CALN1: variants seen among roughly 807,000 people sequenced by gnomAD.
CALN1 encodes calneuron 1, also known as calcium-binding protein 8.
A neutral mutation model predicts 30.6 loss-of-function variants in CALN1; 17 were observed. That is an observed-to-expected ratio of 0.56 (90% CI 0.38 to 0.83). The LOEUF (loss-of-function observed/expected upper bound fraction) is 0.83. CALN1 is among the 40% of genes least tolerant of loss of function. The pLI is 0.00. For synonymous variants in CALN1, 156 were observed against 131.4 expected (o/e 1.19, Z -1.28); for missense variants, 291 against 354.9 (o/e 0.82, Z 1.45).
At chr7:72,152,741 C>T (rs79550568) in intron 3 of CALN1, among the ~76,000 whole-genome samples, 1,960 of 152,156 alleles carry the variant, frequency 0.013, 44 homozygotes, top group African/African-American at 0.044. Context: ...AGAGTTTTTC[C>T]TAGTTTTTCT....
intron 5 of CALN1, among the ~76,000 whole-genome samples, chr7:71,896,501 C>G (rs571575431): frequency 6.6e-6 from 1 of 152,034 alleles, no homozygotes; most frequent in African/African-American, 2.4e-5. Flanking sequence ...AAAATACTTG[C>G]GAAAGAACAA....
At chr7:71,887,980 G>A (rs1793013790) in intron 5 of CALN1, among the ~76,000 whole-genome samples, 1 of 152,082 alleles carries the variant, frequency 6.6e-6, no homozygotes, top group African/African-American at 2.4e-5. Flanking sequence ...ATGTCTGTAG[G>A]GCAACTGGTG....
At chr7:72,178,223 T>G (rs1562694579) in intron 3 of CALN1, among the ~76,000 whole-genome samples, 1 of 152,196 alleles carries the variant, frequency 6.6e-6, no homozygotes, top group Non-Finnish European at 1.5e-5. Context: ...AAGACCTCTT[T>G]CCACAAATCC....
In CALN1 at chr7:72,046,503, G is replaced by A. The variant is rs1802478602; in HGVS notation, c.389-22734C>T. ...GAGGCAGGTGGATCACCTGAGGTCA[G>A]GAGTTTGAGACCAGCATGGCCAACA... On this transcript the variant is annotated intron_variant, in intron 4 of 6. Transcript: ENST00000395275. Among the ~76,000 whole-genome samples, 3 of 151,990 alleles carry A rather than the reference G, an allele frequency of 2.0e-5. No individual in the cohort carries two copies. In the South Asian group the frequency reaches 6.2e-4, roughly 32 times the overall value.
intron 3 of CALN1, among the ~76,000 whole-genome samples, chr7:72,255,653 T>G (rs528012157): frequency 6.6e-6 from 1 of 151,326 alleles, no homozygotes; most frequent in African/African-American, 2.4e-5. Flanking sequence ...TGACCTCAAG[T>G]GACCCACTGG....
At chr7:72,264,875 C>CA (rs1796508242) in intron 3 of CALN1, among the ~76,000 whole-genome samples, 1 of 152,122 alleles carries the variant, frequency 6.6e-6, no homozygotes, top group Non-Finnish European at 1.5e-5. Context: ...GTGTATTGTT[C>CA]CCCTCTATGT....
chr7:71,972,223 G>C (rs1165486272), intron 5 of CALN1, among the ~76,000 whole-genome samples: 2 of 152,122 alleles, frequency 1.3e-5, no homozygotes, highest in Non-Finnish European at 2.9e-5. Flanking sequence ...CAGGCCCAAA[G>C]CTTAATGATG....
intron 4 of CALN1, chr7:72,103,073 A>C (rs1806802921): frequency 2.9e-5 from 1 of 34,838 alleles, no homozygotes; most frequent in African/African-American, 1.2e-4. Flanking sequence ...CTCCGTCAAA[A>C]AAAAAAAAAA....
chr7:72,106,620 AAGAG>A, intron 3 of CALN1, among the ~76,000 whole-genome samples: 1 of 145,990 alleles, frequency 6.8e-6, no homozygotes, highest in Non-Finnish European at 1.5e-5. Flanking sequence ...GGGAGGAAAA[AAGAG>A]AAAGAAGAAA....
chr7:72,228,727 T>C (rs1431833385), intron 3 of CALN1, among the ~76,000 whole-genome samples: 7 of 147,442 alleles, frequency 4.7e-5, no homozygotes, highest in African/African-American at 1.8e-4. Context: ...AAGTGTTGGC[T>C]ACCTTATTTA....
At chr7:72,168,233 C>CAA (rs61366296) in intron 3 of CALN1, among the ~76,000 whole-genome samples, 3 of 140,702 alleles carry the variant, frequency 2.1e-5, no homozygotes, top group Non-Finnish European at 4.7e-5. Flanking sequence ...TGCAAACAAG[C>CAA]AAAAAAAAAA....
chr7:72,147,197 G>T (rs1385551306), intron 3 of CALN1, among the ~76,000 whole-genome samples: 1 of 152,138 alleles, frequency 6.6e-6, no homozygotes, highest in East Asian at 1.9e-4. Context: ...CAGCACGGGA[G>T]AAAATTTTTG....
intron 3 of CALN1, among the ~76,000 whole-genome samples, chr7:72,119,707 C>T (rs1282640370): frequency 2.6e-5 from 4 of 152,064 alleles, no homozygotes; most frequent in African/African-American, 9.7e-5. Flanking sequence ...ATGGTGGCGG[C>T]AGGCAAGAGA....
chr7:72,309,995 G>A (rs540502400), intron 2 of CALN1, among the ~76,000 whole-genome samples: 5 of 152,086 alleles, frequency 3.3e-5, no homozygotes, highest in Non-Finnish European at 5.9e-5. Context: ...ACATCGGTCC[G>A]CCAGCATCCC....
At chr7:72,180,826 G>A (rs191412235) in intron 3 of CALN1, among the ~76,000 whole-genome samples, 2 of 151,810 alleles carry the variant, frequency 1.3e-5, no homozygotes, top group African/African-American at 2.4e-5. Context: ...GGCCAAGCAC[G>A]GTGGCTCACA....
At chr7:71,832,102 T>C (rs1789323348) in intron 5 of CALN1, among the ~76,000 whole-genome samples, 1 of 152,098 alleles carries the variant, frequency 6.6e-6, no homozygotes, top group African/African-American at 2.4e-5. Flanking sequence ...TCCCTGAGAA[T>C]GGTGAAATTT....
intron 4 of CALN1, among the ~76,000 whole-genome samples, chr7:72,075,810 T>A (rs1397088864): frequency 6.6e-6 from 1 of 152,136 alleles, no homozygotes; most frequent in Non-Finnish European, 1.5e-5. Context: ...CATGGGAGGT[T>A]AGGTTTCAAC....
intron 5 of CALN1, among the ~76,000 whole-genome samples, chr7:71,914,324 G>T (rs11972725): frequency 6.6e-6 from 1 of 152,008 alleles, no homozygotes; most frequent in Non-Finnish European, 1.5e-5. Flanking sequence ...CTGTTCCTGC[G>T]TTAGTTTGCT....
At chr7:72,016,672 C>T (rs1042550634) in intron 5 of CALN1, among the ~76,000 whole-genome samples, 2 of 151,764 alleles carry the variant, frequency 1.3e-5, no homozygotes, top group African/African-American at 4.8e-5. Context: ...CTGCTTTGGC[C>T]TCCTGAAGTG....
Sources: allele counts gnomAD v4.1 joint callset (sites outside exome capture counted in the v4.1 genomes callset), GRCh38; gene constraint gnomAD v4.1.1; transcripts MANE v1.5; gene names NCBI Gene and HGNC (gene_info 2026-07-23, HGNC 2026-07-21).